The following TMEM232 variants were observed in gnomAD, a reference collection of about 807,000 sequenced individuals.
The protein encoded by TMEM232 is transmembrane protein 232.
A neutral mutation model predicts 78.8 loss-of-function variants in TMEM232; 80 were observed. That is an observed-to-expected ratio of 1.01 (90% confidence interval 0.85 to 1.22). The LOEUF is 1.22. TMEM232 is among the 50% of genes most tolerant of loss of function. The pLI, the probability that TMEM232 is intolerant of heterozygous loss-of-function variation, is 0.00. For missense variants in TMEM232, 881 were observed against 742.2 expected, an observed-to-expected ratio of 1.19 and a Z score of -2.17; for synonymous variants, 297 against 254.3, an observed-to-expected ratio of 1.17 and a Z score of -1.60.
At chr5:110,683,896 C>G (rs1301848000) in intron 1 of TMEM232, among the ~76,000 whole-genome samples, 1 of 151,958 alleles carries the variant, frequency 6.6e-6, no homozygotes, top group Non-Finnish European at 1.5e-5. Flanking sequence ...TGATTTAATA[C>G]TGTAAAATCT....
intron 6 of TMEM232, among the ~76,000 whole-genome samples, chr5:110,626,511 A>G (rs1046517211): frequency 2.0e-5 from 3 of 151,984 alleles, no homozygotes; most frequent in African/African-American, 7.2e-5. Flanking sequence ...TTCATCAAAT[A>G]TAATTCCCTT....
intron 12 of TMEM232, among the ~76,000 whole-genome samples, chr5:110,503,267 A>G (rs951321667): frequency 1.3e-5 from 2 of 152,226 alleles, no homozygotes; most frequent in Non-Finnish European, 2.9e-5. Context: ...TTGGAAAGTA[A>G]CAACTACATG....
At position 110,650,978 on chromosome 5, in the gene TMEM232, A is replaced by T. The variant is rs187599042; in HGVS notation, c.126-8607T>A. On this transcript the variant is annotated intron_variant, in intron 2 of 13. Coordinates refer to ENST00000455884, the MANE Select transcript of TMEM232 (RefSeq NM_001039763.4). ...TTCTAAACAATAAATGTATTTTACAAAAATAAATGTTGACAAATAAAAAAT... is the reference window on the plus strand; with the variant it reads ...TTCTAAACAATAAATGTATTTTACATAAATAAATGTTGACAAATAAAAAAT... 2.6e-3 allele frequency among the ~76,000 whole-genome samples: 403 copies of T among 152,288 alleles called. 6 individuals are homozygous for T. The highest frequency in any genetic ancestry group is 9.2e-3 in the African/African-American group (381 of 41,566).
chr5:110,466,142 C>T (rs1238230667), intron 12 of TMEM232, among the ~76,000 whole-genome samples: 4 of 152,120 alleles, frequency 2.6e-5, no homozygotes, highest in African/African-American at 9.7e-5. Flanking sequence ...AAAAGCTAAT[C>T]ACAACTTTGA....
chr5:110,596,279 T>C (rs1349675148), intron 10 of TMEM232, among the ~76,000 whole-genome samples: 1 of 152,082 alleles, frequency 6.6e-6, no homozygotes. Context: ...ATGGATAAAT[T>C]CCTCGACACA....
intron 12 of TMEM232, among the ~76,000 whole-genome samples, chr5:110,442,664 G>T (rs1194752501): frequency 6.6e-6 from 1 of 151,940 alleles, no homozygotes; most frequent in Non-Finnish European, 1.5e-5. Context: ...CAGTTTCCTG[G>T]ATGGTCTTTA....
chr5:110,704,001 G>T (rs1057208999), intron 1 of TMEM232, among the ~76,000 whole-genome samples: 2 of 152,036 alleles, frequency 1.3e-5, no homozygotes, highest in East Asian at 3.9e-4. Context: ...GGATGAGACT[G>T]GATAGAGGAT....
intron 3 of TMEM232, among the ~76,000 whole-genome samples, chr5:110,395,188 C>G (rs1018242903): frequency 6.6e-5 from 10 of 151,530 alleles, no homozygotes; most frequent in Non-Finnish European, 1.5e-4. Flanking sequence ...TTTTGTTGCT[C>G]TCTTTCTAGA....
At chr5:110,526,658 T>C (rs568797913) in intron 12 of TMEM232, among the ~76,000 whole-genome samples, 3 of 151,904 alleles carry the variant, frequency 2.0e-5, no homozygotes, top group Non-Finnish European at 4.4e-5. Context: ...TGTAACAACA[T>C]TACAAAGGCA....
At chr5:110,466,264 A>G (rs1432136103) in intron 12 of TMEM232, among the ~76,000 whole-genome samples, 2 of 152,236 alleles carry the variant, frequency 1.3e-5, no homozygotes, top group Non-Finnish European at 2.9e-5. Flanking sequence ...TTTTGAAAAT[A>G]CATACACAAA....
intron 2 of TMEM232, among the ~76,000 whole-genome samples, chr5:110,649,611 A>G (rs1788008955): frequency 6.6e-6 from 1 of 152,132 alleles, no homozygotes; most frequent in South Asian, 2.1e-4. Flanking sequence ...CACCAGAATG[A>G]TATCAGTTGT....
chr5:110,620,585 C>A (rs73226217), intron 7 of TMEM232, among the ~76,000 whole-genome samples: 1,797 of 13,148 alleles, frequency 0.14, 20 homozygotes, highest in African/African-American at 0.24. Context: ...ATATCTCTCT[C>A]TCTCTCTCTC....
intron 2 of TMEM232, among the ~76,000 whole-genome samples, chr5:110,646,169 A>G (rs981507985): frequency 1.3e-5 from 2 of 151,734 alleles, no homozygotes; most frequent in African/African-American, 2.4e-5. Flanking sequence ...TTACCCAAAG[A>G]GATCTAAGAC....
At chr5:110,441,548 C>T (rs1015881948) in intron 12 of TMEM232, among the ~76,000 whole-genome samples, 2 of 152,250 alleles carry the variant, frequency 1.3e-5, no homozygotes, top group African/African-American at 4.8e-5. Flanking sequence ...TGAGTATGGG[C>T]TGGCCTAAGG....
chr5:110,691,948 T>A (rs568453775), intron 1 of TMEM232, among the ~76,000 whole-genome samples: 1 of 152,254 alleles, frequency 6.6e-6, no homozygotes, highest in African/African-American at 2.4e-5. Flanking sequence ...TGGGACGGAG[T>A]CTCACTCTGT....
intron 10 of TMEM232, among the ~76,000 whole-genome samples, chr5:110,604,488 G>C (rs148971495): frequency 7.3e-4 from 111 of 152,122 alleles, no homozygotes; most frequent in African/African-American, 2.7e-3. Context: ...TAAATGCCTA[G>C]AGAAAATGGA....
chr5:110,579,416 C>A (rs1358260768), intron 10 of TMEM232, among the ~76,000 whole-genome samples: 1 of 151,240 alleles, frequency 6.6e-6, no homozygotes, highest in Non-Finnish European at 1.5e-5. Context: ...ATATAAAACT[C>A]ATTGGTAAAG....
chr5:110,419,938 T>A lies in TMEM232; in HGVS notation c.*642A>T. 6.6e-6 allele frequency among the ~76,000 whole-genome samples: 1 copy of A among 152,098 alleles called. No individual in the cohort carries two copies. The highest frequency in any genetic ancestry group is 1.5e-5 in the Non-Finnish European group (1 of 67,958). On this transcript the variant is annotated 3_prime_UTR_variant, in exon 14 of 14. Transcript: ENST00000455884. ...CCTGGACCTTCCAGGTTCATAAGAA[T>A]TCATTCTCATAAACTCACAGAACAG...
chr5:110,494,039 A>G (rs1316854472), intron 12 of TMEM232, among the ~76,000 whole-genome samples: 1 of 151,902 alleles, frequency 6.6e-6, no homozygotes, highest in Non-Finnish European at 1.5e-5. Context: ...TTCTTGTGTT[A>G]GTTTGCTGAG....
Sources: gnomAD v4.1 joint callset for allele counts (sites outside exome capture counted in the v4.1 genomes callset) on GRCh38, gnomAD v4.1.1 for gene constraint, MANE v1.5 for transcripts, NCBI Gene and HGNC (gene_info 2026-07-23, HGNC 2026-07-21) for gene names.